Variants in HIBCH observed in about 807,000 individuals in gnomAD.
The protein encoded by HIBCH is 3-hydroxyisobutyryl-CoA hydrolase, mitochondrial.
A neutral mutation model predicts 58.2 loss-of-function variants in HIBCH; 50 were observed. The observed-to-expected ratio is 0.86, with a 90% CI of 0.68 to 1.09. HIBCH has a LOEUF of 1.09. Ranked by LOEUF, HIBCH falls within the 50% of genes least tolerant of loss-of-function variation. The pLI is 0.00. For missense variants in HIBCH, 450 were observed against 449.7 expected, an observed-to-expected ratio of 1.00 and a Z score of -0.01; for synonymous variants, 151 against 146.9, an observed-to-expected ratio of 1.03 and a Z score of -0.20.
At chr2:190,249,882 A>G (rs1332976380) in intron 8 of HIBCH, among the ~76,000 whole-genome samples, 156 bp from the exon 9 acceptor site, 1 of 152,232 alleles carries the variant, frequency 6.6e-6, no homozygotes, top group African/African-American at 2.4e-5. Context: ...CTTAAGTTGA[A>G]TGAACAGGTA....
intron 6 of HIBCH, among the ~76,000 whole-genome samples, chr2:190,264,262 C>A (rs1559041662): frequency 6.6e-6 from 1 of 151,022 alleles, no homozygotes; most frequent in Non-Finnish European, 1.5e-5. Context: ...GCCACACGGG[C>A]TTTCTTTCTT....
intron 6 of HIBCH, among the ~76,000 whole-genome samples, chr2:190,264,045 CCA>C (rs749196499): frequency 5.3e-5 from 8 of 152,190 alleles, no homozygotes; most frequent in Non-Finnish European, 1.2e-4. Context: ...TCTATTCTTG[CCA>C]CAATCTATCA....
In HIBCH at chr2:190,212,910, G is replaced by A. The variant is rs777800246; in HGVS notation, c.1011+46C>T. 3.3e-6 allele frequency: 5 copies of A among 1,520,302 alleles called. No homozygotes were observed. In the South Asian group the frequency reaches 5.7e-5, roughly 17 times the overall value. The allele number at this position is 1,520,302 out of a possible 1,614,324, so 94.2% of individuals were successfully genotyped here. Reference sequence around the variant, plus strand: ...TTTACAAGTTCTACAATAAACGTATGTTACTTTTAGAACTAAAAAATGACA... The same window carrying A: ...TTTACAAGTTCTACAATAAACGTATATTACTTTTAGAACTAAAAAATGACA... On this transcript the variant is annotated intron_variant, in intron 12 of 13. Transcript: ENST00000359678.
At chr2:190,241,006 C>G (rs1686437973) in intron 11 of HIBCH, among the ~76,000 whole-genome samples, 1 of 152,150 alleles carries the variant, frequency 6.6e-6, no homozygotes, top group East Asian at 1.9e-4. Context: ...TGGTCCAGAG[C>G]TGAGTTCAAG....
chr2:190,279,453 C>G lies in HIBCH; in HGVS notation c.438+8133G>C, dbSNP rs1043556780. ...ACTCAAAATTCCGAAGTCCAGAGTC[C>G]CATCTGTGAAGCCTGTGTAATCAAA... On this transcript the variant is annotated intron_variant, in intron 6 of 13. Transcript: ENST00000359678. This position sits in a 1 kb window ranked among gnomAD's most constrained non-coding sequence, Gnocchi z 4.2. Among the ~76,000 whole-genome samples, 1 of 152,162 alleles carries G rather than the reference C, an allele frequency of 6.6e-6. No homozygotes were observed. Among genetic ancestry groups the G allele is most frequent in the Non-Finnish European group, 1.5e-5 (1 of 68,026 alleles).
intron 6 of HIBCH, among the ~76,000 whole-genome samples, chr2:190,263,111 CA>C (rs34646136): frequency 0.28 from 42,444 of 152,058 alleles, 6,434 homozygotes; most frequent in East Asian, 0.45. Context: ...TTTGATTTTA[CA>C]TTTTATTTAA....
At chr2:190,273,703 T>TA (rs1424026427) in intron 6 of HIBCH, among the ~76,000 whole-genome samples, 48 of 26,572 alleles carry the variant, frequency 1.8e-3, no homozygotes, top group Middle Eastern at 0.025. Flanking sequence ...TCCAGTTTTT[T>TA]TAAAAAAAAA....
chr2:190,218,444 G>A (rs991378849), intron 11 of HIBCH, among the ~76,000 whole-genome samples: 7 of 152,112 alleles, frequency 4.6e-5, no homozygotes, highest in Non-Finnish European at 8.8e-5. Flanking sequence ...CTCAGGAAGG[G>A]ATTCCATGGG....
intron 1 of HIBCH, among the ~76,000 whole-genome samples, chr2:190,314,776 GCC>G (rs754451103): frequency 9.5e-4 from 145 of 152,220 alleles, no homozygotes; most frequent in Non-Finnish European, 1.8e-3. Context: ...ACCGCACCCA[GCC>G]CATTCGTTCT....
intron 5 of HIBCH, among the ~76,000 whole-genome samples, chr2:190,289,800 T>C (rs963929738): frequency 6.6e-6 from 1 of 152,174 alleles, no homozygotes; most frequent in African/African-American, 2.4e-5. Flanking sequence ...AATGATACTA[T>C]ACTTCATTTC....
intron 11 of HIBCH, among the ~76,000 whole-genome samples, chr2:190,237,255 G>A (rs191130816): frequency 8.5e-5 from 13 of 152,198 alleles, no homozygotes; most frequent in Admixed American, 6.5e-4. Flanking sequence ...CAACTGATCT[G>A]TTTTCTATTC....
In HIBCH at chr2:190,287,656, G is replaced by A; in HGVS notation, c.386-18C>T. On this transcript the variant is annotated intron_variant, in intron 5 of 13. Coordinates refer to ENST00000359678, the MANE Select transcript of HIBCH (RefSeq NM_014362.4). The stretch of plus-strand genomic sequence containing the variant: ...GCAAGAACCTGAAAGAAACAGAGCT[G>A]TAATTTTAGTTACAGTGTTTAAAAT... 1 of 1,586,256 alleles carries A rather than the reference G, an allele frequency of 6.3e-7. No homozygotes were observed. The highest frequency in any genetic ancestry group is 8.7e-7 in the Non-Finnish European group (1 of 1,155,376).
chr2:190,284,545 T>C (rs57244571), intron 6 of HIBCH, among the ~76,000 whole-genome samples: 1 of 152,182 alleles, frequency 6.6e-6, no homozygotes, highest in Non-Finnish European at 1.5e-5. Flanking sequence ...ATATTTACCA[T>C]TTCTGATAAT....
chr2:190,237,564 T>C (rs1485847970), intron 11 of HIBCH, among the ~76,000 whole-genome samples: 2 of 152,210 alleles, frequency 1.3e-5, no homozygotes, highest in African/African-American at 4.8e-5. Context: ...TGGATAAATC[T>C]CGCAGAGTGG....
chr2:190,199,560 G>T (rs1690145714), downstream of HIBCH: 1 of 314,304 alleles, frequency 3.2e-6, no homozygotes, highest in Non-Finnish European at 5.5e-6. Context: ...TTCTTCTACT[G>T]ATAAGATAAA....
intron 1 of HIBCH, chr2:190,311,047 G>A (rs536328521): frequency 6.1e-6 from 4 of 652,132 alleles, no homozygotes; most frequent in East Asian, 3.0e-5. Context: ...TTCAATGGTT[G>A]GAAGACAAAC....
intron 4 of HIBCH, 31 bp downstream of exon 4, chr2:190,294,515 G>A: frequency 2.1e-6 from 3 of 1,409,356 alleles, no homozygotes; most frequent in Non-Finnish European, 3.0e-6. Context: ...TAGGGGGAAA[G>A]AGCACTCAGG....
At position 190,216,107 on chromosome 2, in the gene HIBCH, A is replaced by C. The variant is rs1378790915; in HGVS notation, c.892-3032T>G. ...TGAGACTGGGGAGAAAAATAATGTA[A>C]AAGGAAGAAAGAGTACAAGAGGAGG... On this transcript the variant is annotated intron_variant, in intron 11 of 13. Coordinates refer to ENST00000359678, the MANE Select transcript of HIBCH (RefSeq NM_014362.4). This position sits in a 1 kb window ranked among gnomAD's most constrained non-coding sequence, Gnocchi z 4.2. 6.6e-6 allele frequency: 1 copy of C among 152,430 alleles called. No individual in the cohort carries two copies. The highest frequency in any genetic ancestry group is 1.5e-5 in the Non-Finnish European group (1 of 68,224). The allele number at this position is 152,430 out of a possible 1,614,324, so 9.4% of individuals were successfully genotyped here. A position where few individuals can be genotyped will look rare whatever the true frequency, so the allele number is the denominator to read the frequency against.
intron 6 of HIBCH, among the ~76,000 whole-genome samples, chr2:190,286,201 T>C (rs544487267): frequency 5.7e-4 from 87 of 152,312 alleles, no homozygotes; most frequent in Admixed American, 2.6e-3. Context: ...AGGAAAGGAA[T>C]GTTACACACA....
Sources: gnomAD v4.1 joint callset for allele counts (sites outside exome capture counted in the v4.1 genomes callset) on GRCh38, gnomAD v4.1.1 for gene constraint, Gnocchi (gnomAD v3.1) non-coding constraint, MANE v1.5 for transcripts, NCBI Gene and HGNC (gene_info 2026-07-23, HGNC 2026-07-21) for gene names.